Variants in NKAIN2 observed in about 807,000 individuals in gnomAD.
NKAIN2 encodes the protein sodium/potassium transporting ATPase interacting 2.
Under a neutral mutation model 32.6 loss-of-function variants are expected in NKAIN2, and 14 were observed. The observed-to-expected ratio is 0.43, with a 90% CI of 0.28 to 0.67. The LOEUF (loss-of-function observed/expected upper bound fraction) is 0.67. Among genes scored for constraint, NKAIN2 ranks in the 30% least tolerant of loss-of-function variants. NKAIN2 has a pLI of 0.17. For missense variants in NKAIN2, 198 were observed against 258.3 expected, an observed-to-expected ratio of 0.77 and a Z score of 1.60; for synonymous variants, 80 against 87.2, an observed-to-expected ratio of 0.92 and a Z score of 0.46.
intron 1 of NKAIN2, among the ~76,000 whole-genome samples, chr6:123,928,656 A>G (rs1311096504): frequency 6.6e-6 from 1 of 152,160 alleles, no homozygotes; most frequent in Admixed American, 6.5e-5. Context: ...ATTCTCTTAA[A>G]TATTTCTAGT....
chr6:123,966,759 A>T (rs897879501), intron 1 of NKAIN2, among the ~76,000 whole-genome samples: 1 of 152,152 alleles, frequency 6.6e-6, no homozygotes, highest in Non-Finnish European at 1.5e-5. Context: ...TGCTGATATT[A>T]TGTCTACTGT....
chr6:123,965,647 C>T (rs985071324), intron 1 of NKAIN2, among the ~76,000 whole-genome samples: 1 of 152,122 alleles, frequency 6.6e-6, no homozygotes, highest in Non-Finnish European at 1.5e-5. Context: ...CATCTTGGAC[C>T]TTTTGTTTAT....
chr6:124,496,595 G>A (rs947861652), intron 3 of NKAIN2, among the ~76,000 whole-genome samples: 1 of 152,034 alleles, frequency 6.6e-6, no homozygotes, highest in African/African-American at 2.4e-5. Context: ...AGGCATAGAA[G>A]GCACCACAGT....
At chr6:124,123,143 A>G (rs1184505569) in intron 1 of NKAIN2, among the ~76,000 whole-genome samples, 1 of 152,072 alleles carries the variant, frequency 6.6e-6, no homozygotes, top group Non-Finnish European at 1.5e-5. Context: ...TTGCCGAGGT[A>G]CCTGGAAATT....
intron 1 of NKAIN2, among the ~76,000 whole-genome samples, chr6:124,238,104 T>C (rs1447400595): frequency 6.6e-6 from 1 of 151,904 alleles, no homozygotes; most frequent in African/African-American, 2.4e-5. Context: ...AAAAAAGGGT[T>C]GGGAGTTCAG....
intron 3 of NKAIN2, among the ~76,000 whole-genome samples, chr6:124,616,764 T>A (rs1268126316): frequency 6.6e-6 from 1 of 152,168 alleles, no homozygotes; most frequent in Admixed American, 6.5e-5. Context: ...TCTGCTGCCA[T>A]CTTTCTGGGT....
chr6:124,580,858 C>G (rs575516399), intron 3 of NKAIN2, among the ~76,000 whole-genome samples: 1 of 151,878 alleles, frequency 6.6e-6, no homozygotes, highest in South Asian at 2.1e-4. Flanking sequence ...ACTAAACAAA[C>G]GAACACAAAA....
chr6:124,321,583 A>G lies in NKAIN2; in HGVS notation c.193-33684A>G, dbSNP rs1797194715. Among the ~76,000 whole-genome samples, 3 of 152,182 alleles carry G rather than the reference A, an allele frequency of 2.0e-5. No individual in the cohort carries two copies. The South Asian group carries it at 6.2e-4, about 31-fold the overall frequency. On this transcript the variant is annotated intron_variant, in intron 2 of 6. Coordinates refer to ENST00000368417, the MANE Select transcript of NKAIN2 (RefSeq NM_001040214.3). The stretch of plus-strand genomic sequence containing the variant: ...TAGTATCATAATTTTACATAGTGAT[A>G]CCTTTCTGCAAGCTCCCAGTGCTTT...
At chr6:123,886,473 A>G (rs1285875989) in intron 1 of NKAIN2, among the ~76,000 whole-genome samples, 1 of 152,134 alleles carries the variant, frequency 6.6e-6, no homozygotes. Context: ...ATGTGTTTAC[A>G]TAGGAAAAAA....
intron 4 of NKAIN2, among the ~76,000 whole-genome samples, chr6:124,697,663 TC>T (rs1452966264): frequency 6.6e-6 from 1 of 152,342 alleles, no homozygotes; most frequent in Admixed American, 6.5e-5. Context: ...TTGCAGCACT[TC>T]AGCTAACTTT....
chr6:124,065,595 A>C lies in NKAIN2; in HGVS notation c.55-217410A>C, dbSNP rs184579909. On this transcript the variant is annotated intron_variant, in intron 1 of 6. Coordinates refer to ENST00000368417, the MANE Select transcript of NKAIN2 (RefSeq NM_001040214.3). Reference sequence around the variant, plus strand: ...TATTTCTGCCATGTGAGGATGCAACAAGAAAGCCCTCACCAGACACCAAAA... The same window carrying C: ...TATTTCTGCCATGTGAGGATGCAACCAGAAAGCCCTCACCAGACACCAAAA... Among the ~76,000 whole-genome samples, 242 of 152,246 alleles carry C rather than the reference A, an allele frequency of 1.6e-3. 4 individuals carry two copies. Among genetic ancestry groups the C allele is most frequent in the Admixed American group, 0.014 (221 of 15,282 alleles).
intron 5 of NKAIN2, among the ~76,000 whole-genome samples, chr6:124,793,756 A>G (rs1001789465): frequency 2.0e-5 from 3 of 151,888 alleles, no homozygotes; most frequent in South Asian, 2.1e-4. Flanking sequence ...ATATATTAAC[A>G]TTTCTGAGAG....
chr6:124,442,055 AT>A (rs1411880477), intron 3 of NKAIN2, among the ~76,000 whole-genome samples: 16 of 151,998 alleles, frequency 1.1e-4, no homozygotes, highest in African/African-American at 3.9e-4. Context: ...TTAGATCAAT[AT>A]GAAGATTTTA....
At chr6:124,412,831 G>A (rs74882784) in intron 3 of NKAIN2, among the ~76,000 whole-genome samples, 2 of 152,186 alleles carry the variant, frequency 1.3e-5, no homozygotes, top group East Asian at 3.9e-4. Flanking sequence ...CCCAGTTCGA[G>A]CTTCCTGGCT....
chr6:124,287,868 C>A (rs1383736855), intron 2 of NKAIN2, among the ~76,000 whole-genome samples: 1 of 152,038 alleles, frequency 6.6e-6, no homozygotes, highest in Non-Finnish European at 1.5e-5. Context: ...TATGTAGGTT[C>A]CTATCCATTA....
intron 1 of NKAIN2, among the ~76,000 whole-genome samples, chr6:123,994,855 G>A (rs1779552828): frequency 6.6e-6 from 1 of 152,272 alleles, no homozygotes; most frequent in African/African-American, 2.4e-5. Flanking sequence ...GTGAATTGCA[G>A]TAGTCCTCTT....
At chr6:124,105,872 C>T (rs776319543) in intron 1 of NKAIN2, among the ~76,000 whole-genome samples, 3 of 152,114 alleles carry the variant, frequency 2.0e-5, no homozygotes, top group Non-Finnish European at 4.4e-5. Context: ...TGATAGCAAA[C>T]ATTTATACCC....
intron 3 of NKAIN2, among the ~76,000 whole-genome samples, chr6:124,440,338 T>C (rs529599846): frequency 6.6e-6 from 1 of 152,178 alleles, no homozygotes; most frequent in East Asian, 1.9e-4. Context: ...AGAAAAAGTT[T>C]AATGGGATAG....
intron 3 of NKAIN2, among the ~76,000 whole-genome samples, chr6:124,373,466 G>T (rs558596288): frequency 3.3e-5 from 5 of 152,260 alleles, no homozygotes; most frequent in Admixed American, 6.5e-5. Flanking sequence ...TAATTCAGAT[G>T]CTTTTTGAAC....
Sources: allele counts gnomAD v4.1 joint callset (sites outside exome capture counted in the v4.1 genomes callset), GRCh38; gene constraint gnomAD v4.1.1; transcripts MANE v1.5; gene names NCBI Gene and HGNC (gene_info 2026-07-23, HGNC 2026-07-21).